CAMK2B: variants seen among roughly 807,000 people sequenced by gnomAD.
The protein encoded by CAMK2B is calcium/calmodulin dependent protein kinase II beta, also known as calcium/calmodulin-dependent protein kinase type II subunit beta.
In CAMK2B, 27 loss-of-function variants were observed where a neutral mutation model predicts 93.7. The observed-to-expected ratio is 0.29, with a 90% CI of 0.21 to 0.40. The LOEUF is 0.40. Among genes scored for constraint, CAMK2B ranks in the 10% least tolerant of loss-of-function variants. CAMK2B has a pLI of 1.00. For synonymous variants in CAMK2B, 374 were observed against 358.8 expected (o/e 1.04, Z -0.48); for missense variants, 568 against 895.8 (o/e 0.63, Z 4.67).
At chr7:44,240,773 C>A in intron 11 of CAMK2B, 24 bp from the exon 12 acceptor site, 1 of 1,612,200 alleles carries the variant, frequency 6.2e-7, no homozygotes. Context: ...CAGATAAAAC[C>A]GGGGCTATCC....
chr7:44,273,141 G>T (rs2096990880), intron 2 of CAMK2B, among the ~76,000 whole-genome samples: 1 of 152,208 alleles, frequency 6.6e-6, no homozygotes, highest in South Asian at 2.1e-4. Context: ...TGCCTGAGTA[G>T]TGAGATGCAG....
intron 1 of CAMK2B, among the ~76,000 whole-genome samples, chr7:44,285,281 A>T (rs571908182): frequency 6.6e-5 from 10 of 152,364 alleles, no homozygotes; most frequent in Admixed American, 6.5e-4. Context: ...AAGAAATGTC[A>T]CATGAAGGGT....
rs2096752581 is a variant in CAMK2B at position 44,248,592 on chromosome 7, C to T, written c.342-1400G>A. Among the ~76,000 whole-genome samples the T allele has an allele frequency of 6.6e-6, 1 of 152,238 alleles. No homozygotes were observed. Among genetic ancestry groups the T allele is most frequent in the Non-Finnish European group, 1.5e-5 (1 of 68,042 alleles). Reference sequence around the variant, plus strand: ...GGGACAGGAAGACCCCCTCAAGACCCTTCTATCCCAGCCAGATCCTTGGGG... The same window carrying T: ...GGGACAGGAAGACCCCCTCAAGACCTTTCTATCCCAGCCAGATCCTTGGGG... On this transcript the variant is annotated intron_variant, in intron 5 of 23. Coordinates refer to ENST00000395749, the MANE Select transcript of CAMK2B (RefSeq NM_001220.5). This position sits in a 1 kb window ranked among gnomAD's most constrained non-coding sequence, Gnocchi z 4.1.
At chr7:44,241,349 G>A (rs2075074) in intron 11 of CAMK2B, among the ~76,000 whole-genome samples, 51,450 of 152,070 alleles carry the variant, frequency 0.34, 9,563 homozygotes, top group Non-Finnish European at 0.42. Flanking sequence ...TGTCTGAGCC[G>A]GAAGCTTCGG....
intron 11 of CAMK2B, 121 bp from the exon 12 acceptor site, chr7:44,240,870 T>G (rs1189343701): frequency 1.7e-5 from 17 of 1,024,138 alleles, no homozygotes; most frequent in Admixed American, 4.4e-5. Context: ...GAGGCTGACA[T>G]GACCTCAGCC....
At chr7:44,308,247 T>G (rs897346607) in intron 1 of CAMK2B, among the ~76,000 whole-genome samples, 9 of 152,224 alleles carry the variant, frequency 5.9e-5, no homozygotes, top group African/African-American at 2.2e-4. Flanking sequence ...TTGCCGGAGC[T>G]GCCATCCTGA....
chr7:44,304,522 T>C (rs928856470), intron 1 of CAMK2B, among the ~76,000 whole-genome samples: 7 of 152,092 alleles, frequency 4.6e-5, no homozygotes, highest in African/African-American at 1.7e-4. Flanking sequence ...CCACATACTG[T>C]GTGAGTCCAA....
intron 3 of CAMK2B, among the ~76,000 whole-genome samples, chr7:44,261,908 C>T (rs531942410): frequency 4.6e-5 from 7 of 152,206 alleles, no homozygotes; most frequent in Non-Finnish European, 7.3e-5. Flanking sequence ...TGGTGGGCAG[C>T]GGCAAATCTC....
At position 44,231,073 on chromosome 7, in the gene CAMK2B, C is replaced by G; in HGVS notation, c.1177-19G>C. 1.3e-6 allele frequency: 2 copies of G among 1,551,880 alleles called. No homozygotes were observed. Among genetic ancestry groups the G allele is most frequent in the Non-Finnish European group, 1.7e-6 (2 of 1,147,054 alleles). Reference sequence around the variant, plus strand: ...AAGACTCCTGAGGAAACACGGGAGGCAGCGGGTCAGGATGCGGCCAAGGAT... The same window carrying G: ...AAGACTCCTGAGGAAACACGGGAGGGAGCGGGTCAGGATGCGGCCAAGGAT... On this transcript the variant is annotated intron_variant, in intron 16 of 23. Transcript: ENST00000395749.
intron 2 of CAMK2B, among the ~76,000 whole-genome samples, chr7:44,282,977 G>C (rs556956290): frequency 6.6e-6 from 1 of 152,304 alleles, no homozygotes; most frequent in East Asian, 1.9e-4. Context: ...CAGGGGCTTC[G>C]CTTGGCTCCC....
chr7:44,265,787 G>A (rs984435181), intron 2 of CAMK2B, among the ~76,000 whole-genome samples: 8 of 152,168 alleles, frequency 5.3e-5, no homozygotes, highest in Admixed American at 5.2e-4. Context: ...CATACAGGTT[G>A]CTGACTGGTC....
chr7:44,284,055 C>G (rs1346892637), intron 2 of CAMK2B, 76 bp downstream of exon 2: 2 of 1,103,396 alleles, frequency 1.8e-6, no homozygotes, highest in Non-Finnish European at 2.7e-6. Flanking sequence ...GCCTGCTGCC[C>G]AGTCCACAGG....
intron 20 of CAMK2B, among the ~76,000 whole-genome samples, chr7:44,221,392 T>C (rs1432355720): frequency 6.6e-6 from 1 of 152,210 alleles, no homozygotes; most frequent in African/African-American, 2.4e-5. Flanking sequence ...AGGGGGCTAC[T>C]GAGTGCAGGC....
At chr7:44,287,830 A>C (rs1004670677) in intron 1 of CAMK2B, among the ~76,000 whole-genome samples, 1 of 152,168 alleles carries the variant, frequency 6.6e-6, no homozygotes, top group African/African-American at 2.4e-5. Context: ...TGGTCTTTAG[A>C]TATTGCACCT....
At chr7:44,228,465 G>A (rs1353784868) in intron 19 of CAMK2B, among the ~76,000 whole-genome samples, 1 of 152,118 alleles carries the variant, frequency 6.6e-6, no homozygotes, top group Non-Finnish European at 1.5e-5. Flanking sequence ...TCAGCAGAGA[G>A]GGCCTAGGGG....
chr7:44,225,267 C>T lies in CAMK2B; in HGVS notation c.1597+1249G>A, dbSNP rs1046198983. ...CCAGGCAGGCTCCTTTGGGCACACC[C>T]CTCCACTTCTGCAAGGGCAGCAAGC... is the stretch of plus-strand genomic sequence containing the variant. On this transcript the variant is annotated intron_variant, in intron 20 of 23. Transcript: ENST00000395749. This position sits in a 1 kb window ranked among gnomAD's most constrained non-coding sequence, Gnocchi z 5.0. Among the ~76,000 whole-genome samples the T allele has an allele frequency of 2.0e-5, 3 of 152,188 alleles. No individual in the cohort carries two copies. Among genetic ancestry groups the T allele is most frequent in the African/African-American group, 7.2e-5 (3 of 41,432 alleles).
At position 44,224,261 on chromosome 7, in the gene CAMK2B, TCAACCCAGCCCCC is replaced by T. The variant is rs2096448439; in HGVS notation, c.1597+2242_1597+2254del. Among the ~76,000 whole-genome samples the T allele has an allele frequency of 7.3e-6, 1 of 136,266 alleles. No individual in the cohort carries two copies. Among genetic ancestry groups the T allele is most frequent in the East Asian group, 2.3e-4 (1 of 4,302 alleles). The allele number at this position is 136,266 out of a possible 152,430, so 89.4% of individuals were successfully genotyped here. ...GGAATGGCGCTGCCCAGACCCCAGC[TCAACCCAGCCCCC>T]ACTCTGCCTCCCCACATAGCACATG... On this transcript the variant is annotated intron_variant, in intron 20 of 23. Coordinates refer to ENST00000395749, the MANE Select transcript of CAMK2B (RefSeq NM_001220.5). The surrounding 1 kb of genome is among the most constrained non-coding windows in gnomAD (Gnocchi z 4.4).
intron 1 of CAMK2B, among the ~76,000 whole-genome samples, chr7:44,315,446 T>C (rs1025708527): frequency 1.3e-5 from 2 of 152,238 alleles, no homozygotes; most frequent in Admixed American, 6.5e-5. Context: ...TTTATCCTTA[T>C]GTCAACACCA....
At chr7:44,258,548 T>C (rs557103353) in intron 4 of CAMK2B, among the ~76,000 whole-genome samples, 9 of 152,364 alleles carry the variant, frequency 5.9e-5, no homozygotes, top group Admixed American at 2.0e-4. Context: ...GGAAGGTGAA[T>C]GCAGCTGCTG....
Sources: allele counts gnomAD v4.1 joint callset (sites outside exome capture counted in the v4.1 genomes callset), GRCh38; gene constraint gnomAD v4.1.1; non-coding constraint Gnocchi (gnomAD v3.1); transcripts MANE v1.5; gene names NCBI Gene and HGNC (gene_info 2026-07-23, HGNC 2026-07-21).